Variants in RAP1GAP2 observed in about 807,000 individuals in gnomAD.
RAP1GAP2 encodes RAP1 GTPase activating protein 2, also known as rap1 GTPase-activating protein 2.
A neutral mutation model predicts 95.0 loss-of-function variants in RAP1GAP2; 27 were observed. The observed-to-expected ratio is 0.28, with a 90% confidence interval of 0.21 to 0.39. The LOEUF (loss-of-function observed/expected upper bound fraction) is 0.39. Among genes scored for constraint, RAP1GAP2 ranks in the 10% least tolerant of loss-of-function variants. The probability of loss-of-function intolerance (pLI) is 1.00; values close to 1 mark genes in which losing one functional copy is unlikely to be tolerated. For synonymous variants in RAP1GAP2, 373 were observed against 380.9 expected (o/e 0.98, Z 0.24); for missense variants, 771 against 970.0 (o/e 0.79, Z 2.72).
chr17:2,854,279 G>C lies in RAP1GAP2; in HGVS notation c.81-51005G>C, dbSNP rs950310584. 2.6e-5 allele frequency among the ~76,000 whole-genome samples: 4 copies of C among 152,336 alleles called. No individual in the cohort carries two copies. In the East Asian group the frequency reaches 7.8e-4, roughly 30 times the overall value. ...TCGCCCCGGACCCTGGCTGGTGCGA[G>C]GAGCCTGGGCAGGACCTTGGCGGAA... is the stretch of plus-strand genomic sequence containing the variant. On this transcript the variant is annotated intron_variant, in intron 2 of 24. Transcript: ENST00000254695.
At chr17:2,947,123 C>G (rs2043726198) in intron 3 of RAP1GAP2, among the ~76,000 whole-genome samples, 1 of 152,180 alleles carries the variant, frequency 6.6e-6, no homozygotes, top group Admixed American at 6.5e-5. Context: ...AACAGAGAGC[C>G]ATTGCAGGCT....
chr17:2,858,705 G>A (rs61502395), intron 2 of RAP1GAP2, among the ~76,000 whole-genome samples: 21,825 of 152,036 alleles, frequency 0.14, 1,665 homozygotes, highest in East Asian at 0.24. Flanking sequence ...GAGCCCAGGA[G>A]TTCGAGACCA....
chr17:2,991,924 C>A (rs531894969), intron 12 of RAP1GAP2, among the ~76,000 whole-genome samples: 1 of 151,964 alleles, frequency 6.6e-6, no homozygotes, highest in South Asian at 2.1e-4. Flanking sequence ...GCCAACACGC[C>A]CAGCTAAGGT....
At chr17:3,011,201 T>G (rs2046527974) in intron 17 of RAP1GAP2, among the ~76,000 whole-genome samples, 1 of 152,182 alleles carries the variant, frequency 6.6e-6, no homozygotes, top group Admixed American at 6.5e-5. Context: ...GTGCTGGGAT[T>G]ACAGGTGTGA....
rs1379456687 is a variant in RAP1GAP2 at position 2,867,490 on chromosome 17, A to C, written c.81-37794A>C. Among the ~76,000 whole-genome samples, 1 of 152,142 alleles carries C rather than the reference A, an allele frequency of 6.6e-6. No homozygotes were observed. The highest frequency in any genetic ancestry group is 1.9e-4 in the East Asian group (1 of 5,186). ...TGGGCTGACCTTCTACCCACTTAGC[A>C]ATACCAACAGGAAGAGCAAATCTGT... is the stretch of plus-strand genomic sequence containing the variant. On this transcript the variant is annotated intron_variant, in intron 2 of 24. Transcript: ENST00000254695. The surrounding 1 kb of genome is among the most constrained non-coding windows in gnomAD (Gnocchi z 4.5).
In RAP1GAP2 at chr17:3,012,628, A is replaced by C. The variant is rs972679978; in HGVS notation, c.1494+4483A>C. On this transcript the variant is annotated intron_variant, in intron 17 of 24. Coordinates refer to ENST00000254695, the MANE Select transcript of RAP1GAP2 (RefSeq NM_015085.5). ...CTCAAAAAAAAAAAAAAAAAAAAAA[A>C]AAACAAACCTAAAGTTTGCAGTGAT... 3.1e-3 allele frequency among the ~76,000 whole-genome samples: 458 copies of C among 146,588 alleles called. 3 individuals are homozygous for C. The highest frequency in any genetic ancestry group is 0.011 in the African/African-American group (428 of 40,058).
chr17:2,779,966 G>C (rs2068600989), intron 1 of RAP1GAP2, among the ~76,000 whole-genome samples: 1 of 151,990 alleles, frequency 6.6e-6, no homozygotes, highest in African/African-American at 2.4e-5. Context: ...AAGGAAGGGA[G>C]GGCATTGGGT....
At chr17:2,927,432 C>T (rs553023738) in intron 3 of RAP1GAP2, among the ~76,000 whole-genome samples, 24 of 152,308 alleles carry the variant, frequency 1.6e-4, no homozygotes, top group Admixed American at 2.6e-4. Context: ...GGATTACAGG[C>T]GTGAGCCACC....
At chr17:3,015,432 G>A (rs919757995) in intron 17 of RAP1GAP2, among the ~76,000 whole-genome samples, 4 of 152,130 alleles carry the variant, frequency 2.6e-5, no homozygotes, top group African/African-American at 7.2e-5. Flanking sequence ...AAATCCTGAC[G>A]TCCAGAGAGC....
At chr17:3,017,919 GT>G in intron 17 of RAP1GAP2, 141 bp from the exon 18 acceptor site, 2 of 586,856 alleles carry the variant, frequency 3.4e-6, no homozygotes, top group Non-Finnish European at 5.2e-6. Context: ...CTGTGACCGT[GT>G]GTGTGTGTGT....
intron 12 of RAP1GAP2, among the ~76,000 whole-genome samples, chr17:2,992,740 C>T (rs1345006384): frequency 6.6e-6 from 1 of 152,194 alleles, no homozygotes; most frequent in African/African-American, 2.4e-5. Context: ...GCTTCCTTCT[C>T]TGTCCTTCCT....
chr17:2,831,900 A>G (rs2070869929), intron 2 of RAP1GAP2, among the ~76,000 whole-genome samples: 1 of 151,786 alleles, frequency 6.6e-6, no homozygotes, highest in African/African-American at 2.4e-5. Context: ...GTCTCAAAAA[A>G]CAACAACAAC....
At chr17:2,775,532 G>A (rs1486069599), upstream of RAP1GAP2, among the ~76,000 whole-genome samples, 2 of 151,200 alleles carry the variant, frequency 1.3e-5, no homozygotes, top group East Asian at 1.9e-4. Context: ...TTCTGCAGGG[G>A]GAGCAGCAAG....
chr17:2,838,400 C>G (rs553559740), intron 2 of RAP1GAP2, among the ~76,000 whole-genome samples: 4 of 152,144 alleles, frequency 2.6e-5, no homozygotes, highest in South Asian at 2.1e-4. Context: ...ATGCTGAACC[C>G]AGGGGGTGGT....
intron 18 of RAP1GAP2, among the ~76,000 whole-genome samples, 161 bp from the exon 19 acceptor site, chr17:3,020,316 G>A (rs575992356): frequency 6.6e-6 from 1 of 152,354 alleles, no homozygotes; most frequent in South Asian, 2.1e-4. Context: ...GAGTCTCCAG[G>A]TCTCAGCTTC....
chr17:3,016,506 A>G (rs7216894), intron 17 of RAP1GAP2, among the ~76,000 whole-genome samples: 139,844 of 152,312 alleles, frequency 0.92, 64,414 homozygotes, highest in Non-Finnish European at 0.95. Context: ...TGATTAATCC[A>G]GAAGGAGCAC....
chr17:2,873,974 C>A (rs1426808689), intron 2 of RAP1GAP2, among the ~76,000 whole-genome samples: 1 of 151,712 alleles, frequency 6.6e-6, no homozygotes, highest in Non-Finnish European at 1.5e-5. Context: ...GCGGGTTTCA[C>A]CATGTTGGCC....
intron 19 of RAP1GAP2, among the ~76,000 whole-genome samples, chr17:3,021,441 T>C (rs1344651276): frequency 3.2e-5 from 3 of 92,812 alleles, no homozygotes; most frequent in African/African-American, 1.3e-4. Context: ...TTTTTTTTTT[T>C]TTTTTTTTTT....
intron 2 of RAP1GAP2, among the ~76,000 whole-genome samples, chr17:2,831,232 A>G (rs1251433398): frequency 6.8e-6 from 1 of 147,788 alleles, no homozygotes; most frequent in Non-Finnish European, 1.5e-5. Flanking sequence ...ACCTGCCACC[A>G]CGCCCAGCTA....
Sources: allele counts gnomAD v4.1 joint callset (sites outside exome capture counted in the v4.1 genomes callset), GRCh38; gene constraint gnomAD v4.1.1; non-coding constraint Gnocchi (gnomAD v3.1); transcripts MANE v1.5; gene names NCBI Gene and HGNC (gene_info 2026-07-23, HGNC 2026-07-21).